SPTA1: variants seen among roughly 807,000 people sequenced by gnomAD.
SPTA1 encodes spectrin alpha chain, erythrocytic 1.
A neutral mutation model predicts 324.7 loss-of-function variants in SPTA1; 177 were observed. The ratio of observed to expected loss-of-function variants is 0.55; its 90% confidence interval spans 0.48 to 0.62. The LOEUF (loss-of-function observed/expected upper bound fraction) is 0.62. Ranked by LOEUF, SPTA1 falls within the 20% of genes least tolerant of loss-of-function variation. The probability of loss-of-function intolerance (pLI) is 0.00; values close to 1 mark genes in which losing one functional copy is unlikely to be tolerated. For missense variants in SPTA1, 3,162 were observed against 2,883.6 expected (o/e 1.10, Z -2.21); for synonymous variants, 1,195 against 1,041.3 (o/e 1.15, Z -2.84).
intron 43 of SPTA1, among the ~76,000 whole-genome samples, chr1:158,621,944 A>T (rs984266432): frequency 1.3e-5 from 2 of 152,178 alleles, no homozygotes; most frequent in Admixed American, 6.5e-5. Context: ...GGCTCACTGC[A>T]AGCTCCATCT....
chr1:158,637,482 T>C (rs926439682), intron 36 of SPTA1, among the ~76,000 whole-genome samples: 19 of 152,204 alleles, frequency 1.2e-4, no homozygotes, highest in Non-Finnish European at 2.4e-4. Flanking sequence ...AAAAATGGAA[T>C]GAGTAATGAA....
At position 158,638,363 on chromosome 1, in the gene SPTA1, G is replaced by A. The variant is rs138953871; in HGVS notation, c.4981-122C>T. On this transcript the variant is annotated intron_variant, in intron 35 of 51. Coordinates refer to ENST00000643759, the MANE Select transcript of SPTA1 (RefSeq NM_003126.4). ...AATGGATTGCTTTTAAAGACATGGA[G>A]TTTGATTATGTGTTATACATGTTAG... The A allele has an allele frequency of 9.5e-5, 91 of 957,702 alleles. 1 individual carries two copies. In the East Asian group the frequency reaches 2.3e-3, roughly 24 times the overall value. 59.3% of individuals were successfully genotyped at this position (957,702 alleles called of 1,614,324 possible).
Position 158,642,975 on chromosome 1 carries a change from A to G in SPTA1, c.4444T>C (p.Trp1482Arg), listed in dbSNP as rs759462817. 1 of 1,613,406 alleles carries G rather than the reference A, an allele frequency of 6.2e-7. No individual in the cohort carries two copies. Among genetic ancestry groups the G allele is most frequent in the East Asian group, 2.2e-5 (1 of 44,850 alleles). The change falls in exon 32 of 52, where the codon TGG becomes CGG. Residue 1482 changes from tryptophan (W) to arginine (R), a missense_variant and splice_region_variant. Coordinates refer to ENST00000643759, the MANE Select transcript of SPTA1 (RefSeq NM_003126.4). Reference protein sequence around the residue: ...ATRLQRVLDRWKALKAQLIDE... With the variant: ...ATRLQRVLDRRKALKAQLIDE... The stretch of plus-strand genomic sequence containing the variant: ...ATCAGTTGTGCTTTGAGAGCCTTCC[A>G]CCTAGAGGACGGAGCCAAATCACTC...
At chr1:158,681,408 G>C (rs941948233) in intron 4 of SPTA1, 119 bp downstream of exon 4, 45 of 1,539,466 alleles carry the variant, frequency 2.9e-5, no homozygotes, top group Non-Finnish European at 5.4e-6. Flanking sequence ...TTGTTCCAAA[G>C]AACAAAGCCA....
intron 38 of SPTA1, 31 bp from the exon 39 acceptor site, chr1:158,634,706 T>C (rs970437252): frequency 7.4e-6 from 12 of 1,613,614 alleles, no homozygotes; most frequent in Non-Finnish European, 1.0e-5. Context: ...CCAGTGAGGA[T>C]AAGAACAAAC....
chr1:158,635,507 A>T (rs1571410201), intron 38 of SPTA1, among the ~76,000 whole-genome samples: 1 of 152,154 alleles, frequency 6.6e-6, no homozygotes, highest in Non-Finnish European at 1.5e-5. Flanking sequence ...GGACTGATAC[A>T]TTGTGTATGT....
At chr1:158,630,074 C>A (rs1389290359) in intron 39 of SPTA1, among the ~76,000 whole-genome samples, 1 of 151,860 alleles carries the variant, frequency 6.6e-6, no homozygotes, top group East Asian at 1.9e-4. Context: ...GAATACTACC[C>A]AAAGTGATGT....
At chr1:158,634,146 T>C (rs767058212) in intron 39 of SPTA1, among the ~76,000 whole-genome samples, 4 of 152,238 alleles carry the variant, frequency 2.6e-5, no homozygotes, top group Non-Finnish European at 4.4e-5. Flanking sequence ...TATATTTTGT[T>C]GAAACTGCAG....
chr1:158,614,484 C>CTAT (rs1392546985), intron 48 of SPTA1, 178 bp from the exon 49 acceptor site: 2 of 603,076 alleles, frequency 3.3e-6, no homozygotes, highest in Non-Finnish European at 5.9e-6. Flanking sequence ...TGCTTTTGTA[C>CTAT]AGTCCATGAG....
Position 158,677,804 on chromosome 1 carries a change from C to T in SPTA1, c.843G>A (p.Lys281=), listed in dbSNP as rs1340988126. 1 of 1,613,542 alleles carries T rather than the reference C, an allele frequency of 6.2e-7. No individual in the cohort carries two copies. Among genetic ancestry groups the T allele is most frequent in the Non-Finnish European group, 8.5e-7 (1 of 1,179,728 alleles). Residue 281 remains lysine, a synonymous_variant, in exon 7 of 52, where the codon AAG becomes AAA. Coordinates refer to ENST00000643759, the MANE Select transcript of SPTA1 (RefSeq NM_003126.4). ...RDVTEAIQWI[K]EKEPVLTSED... is the part of the protein sequence containing the mutation. ...CAGAGGTGAGTACAGGTTCCTTCTCCTTGATCCACTGGATGGCTTCAGTCA... is the reference window on the plus strand; with the variant it reads ...CAGAGGTGAGTACAGGTTCCTTCTCTTTGATCCACTGGATGGCTTCAGTCA...
chr1:158,647,727 A>T lies in SPTA1; in HGVS notation c.3715-7T>A. On this transcript the variant is annotated splice_polypyrimidine_tract_variant and splice_region_variant and intron_variant, in intron 26 of 51. Coordinates refer to ENST00000643759, the MANE Select transcript of SPTA1 (RefSeq NM_003126.4). ...TCTCCCCCAGTATGGTCACCTGGGG[A>T]GGTACAATAGCTCTGATAATCAGCC... is the stretch of plus-strand genomic sequence containing the variant. 6.2e-7 allele frequency: 1 copy of T among 1,613,706 alleles called. No homozygotes were observed. The highest frequency in any genetic ancestry group is 8.5e-7 in the Non-Finnish European group (1 of 1,179,832).
chr1:158,669,600 C>T (rs532427926), intron 13 of SPTA1, 37 bp from the exon 14 acceptor site: 2 of 1,614,106 alleles, frequency 1.2e-6, no homozygotes, highest in South Asian at 2.2e-5. Context: ...GTCAGCACAA[C>T]CAAATATGGA....
At chr1:158,656,793 A>G (rs1261108932) in intron 19 of SPTA1, 137 bp from the exon 20 acceptor site, 2 of 743,712 alleles carry the variant, frequency 2.7e-6, no homozygotes, top group Non-Finnish European at 4.5e-6. Context: ...GTTATTTTTA[A>G]CCCTAAATTT....
At chr1:158,620,833 T>C (rs1405939442) in intron 43 of SPTA1, 1 of 70,788 alleles carries the variant, frequency 1.4e-5, no homozygotes, top group East Asian at 3.3e-4. Context: ...CGGCAAGTAG[T>C]AAACATGAAA....
At chr1:158,670,723 T>C (rs863326) in intron 12 of SPTA1, among the ~76,000 whole-genome samples, 126,066 of 152,052 alleles carry the variant, frequency 0.83, 57,206 homozygotes, top group East Asian at 1. Flanking sequence ...AACTTAAGGC[T>C]CACAGGAAAA....
chr1:158,679,205 A>G (rs1286961187), intron 5 of SPTA1, among the ~76,000 whole-genome samples: 1 of 152,076 alleles, frequency 6.6e-6, no homozygotes, highest in Non-Finnish European at 1.5e-5. Flanking sequence ...AAGTCTCTCC[A>G]GACAGAATTT....
At chr1:158,686,235 G>C (rs1255256722) in intron 1 of SPTA1, among the ~76,000 whole-genome samples, 4 of 152,184 alleles carry the variant, frequency 2.6e-5, no homozygotes, top group Non-Finnish European at 5.9e-5. Context: ...GACTCACGTT[G>C]TTACTAGGTG....
chr1:158,650,376 T>A (rs1430566601), intron 24 of SPTA1, among the ~76,000 whole-genome samples: 1 of 152,170 alleles, frequency 6.6e-6, no homozygotes, highest in African/African-American at 2.4e-5. Context: ...CCGCTTCGTA[T>A]TTCTTCACCT....
chr1:158,663,156 C>T (rs981166360), intron 16 of SPTA1, among the ~76,000 whole-genome samples: 1 of 152,058 alleles, frequency 6.6e-6, no homozygotes, highest in African/African-American at 2.4e-5. Flanking sequence ...AAGTAGTTCT[C>T]AAAACATATT....
Sources: allele counts gnomAD v4.1 joint callset (sites outside exome capture counted in the v4.1 genomes callset), GRCh38; gene constraint gnomAD v4.1.1; transcripts MANE v1.5; gene names NCBI Gene and HGNC (gene_info 2026-07-23, HGNC 2026-07-21).